CORIN: variants seen among roughly 807,000 people sequenced by gnomAD.
CORIN encodes the protein corin, serine peptidase.
In CORIN, 117 loss-of-function variants were observed where a neutral mutation model predicts 125.3. The observed-to-expected ratio is 0.93, with a 90% CI of 0.80 to 1.09. The LOEUF (loss-of-function observed/expected upper bound fraction) is 1.09. Among genes scored for constraint, CORIN ranks in the 50% least tolerant of loss-of-function variants. The probability of loss-of-function intolerance (pLI) is 0.00; values close to 1 mark genes in which losing one functional copy is unlikely to be tolerated. For synonymous variants in CORIN, 450 were observed against 466.4 expected (o/e 0.96, Z 0.45); for missense variants, 1,253 against 1,306.7 (o/e 0.96, Z 0.63).
chr4:47,745,032 T>C (rs1167863964), intron 4 of CORIN, among the ~76,000 whole-genome samples: 1 of 152,198 alleles, frequency 6.6e-6, no homozygotes, highest in African/African-American at 2.4e-5. Context: ...AGTAAGCTGT[T>C]CCATTATTAA....
intron 7 of CORIN, chr4:47,683,460 A>G (rs1268217703): frequency 7.0e-6 from 2 of 286,598 alleles, no homozygotes; most frequent in African/African-American, 2.2e-5. Flanking sequence ...TGAGGAGAGG[A>G]AAAAAAACTA....
Position 47,626,451 on chromosome 4 carries a change from A to C in CORIN, c.2269T>G (p.Trp757Gly), listed in dbSNP as rs1722571328. The change falls in exon 17 of 22, where the codon TGG becomes GGG. Residue 757 changes from tryptophan to glycine, a missense_variant. Coordinates refer to ENST00000273857, the MANE Select transcript of CORIN (RefSeq NM_006587.4). ...EPRWLTLHSN[W>G]ESLNGTTLHE... ...AAAGTGGTCCCATTGAGGCTCTCCC[A>C]GTTGGAGTGTAATGTCAGCCACCGC... 6.2e-7 allele frequency: 1 copy of C among 1,613,890 alleles called. No individual in the cohort carries two copies. Among genetic ancestry groups the C allele is most frequent in the African/African-American group, 1.3e-5 (1 of 74,918 alleles).
chr4:47,664,353 C>T lies in CORIN; in HGVS notation c.1589+679G>A, dbSNP rs564261917. Among the ~76,000 whole-genome samples the T allele has an allele frequency of 2.0e-5, 3 of 152,340 alleles. No individual in the cohort carries two copies. The South Asian group carries it at 6.2e-4, about 32-fold the overall frequency. On this transcript the variant is annotated intron_variant, in intron 11 of 21. Transcript: ENST00000273857. The stretch of plus-strand genomic sequence containing the variant: ...ACATTCATTTGATCTCAAAACAATA[C>T]AACCCAACAACCATTACTATCCTTA...
intron 19 of CORIN, among the ~76,000 whole-genome samples, chr4:47,611,578 C>T (rs1296623713): frequency 1.3e-5 from 2 of 152,120 alleles, no homozygotes; most frequent in African/African-American, 4.8e-5. Flanking sequence ...ATTTGAATAT[C>T]CTTTCTTTCT....
intron 13 of CORIN, among the ~76,000 whole-genome samples, chr4:47,647,915 T>G (rs1236305698): frequency 6.6e-6 from 1 of 152,302 alleles, no homozygotes; most frequent in Non-Finnish European, 1.5e-5. Flanking sequence ...CAAATAATAA[T>G]GCCTGCTTCA....
chr4:47,670,298 G>A (rs1724689430), intron 10 of CORIN, among the ~76,000 whole-genome samples: 1 of 152,170 alleles, frequency 6.6e-6, no homozygotes, highest in Non-Finnish European at 1.5e-5. Flanking sequence ...TTACCAAATG[G>A]TAATATTGTA....
chr4:47,597,047 T>C (rs2109496124), intron 21 of CORIN, among the ~76,000 whole-genome samples: 1 of 152,262 alleles, frequency 6.6e-6, no homozygotes, highest in East Asian at 1.9e-4. Context: ...TTAGGGAATA[T>C]TATTGCTATG....
intron 3 of CORIN, among the ~76,000 whole-genome samples, chr4:47,780,523 C>A (rs1002942410): frequency 6.6e-6 from 1 of 151,888 alleles, no homozygotes; most frequent in Non-Finnish European, 1.5e-5. Flanking sequence ...AATCCCAGAA[C>A]AGCAAAGTAA....
chr4:47,741,394 T>C (rs1728389871), intron 5 of CORIN, among the ~76,000 whole-genome samples: 1 of 151,996 alleles, frequency 6.6e-6, no homozygotes, highest in African/African-American at 2.4e-5. Context: ...GGGATACCAC[T>C]TCACATCAAC....
At chr4:47,808,053 T>C (rs1731870929) in intron 1 of CORIN, among the ~76,000 whole-genome samples, 3 of 152,170 alleles carry the variant, frequency 2.0e-5, no homozygotes, top group South Asian at 2.1e-4. Context: ...CAATGCCTGG[T>C]GGGTAGCAGC....
chr4:47,668,910 A>T (rs952700083), intron 10 of CORIN, among the ~76,000 whole-genome samples: 8 of 152,256 alleles, frequency 5.3e-5, no homozygotes, highest in African/African-American at 1.9e-4. Flanking sequence ...CAGAATGCTA[A>T]GCAAGATAAA....
At chr4:47,731,868 CA>C (rs34287451) in intron 5 of CORIN, among the ~76,000 whole-genome samples, 14,670 of 133,078 alleles carry the variant, frequency 0.11, 811 homozygotes, top group East Asian at 0.28. Flanking sequence ...GACTCCATCT[CA>C]AAAAAAAAAA....
At chr4:47,821,053 G>T (rs1732488391) in intron 1 of CORIN, among the ~76,000 whole-genome samples, 1 of 152,040 alleles carries the variant, frequency 6.6e-6, no homozygotes, top group South Asian at 2.1e-4. Flanking sequence ...TGGCCAATAT[G>T]GTGAAATCCC....
intron 5 of CORIN, among the ~76,000 whole-genome samples, chr4:47,731,031 C>T (rs750006635): frequency 9.9e-5 from 15 of 152,076 alleles, no homozygotes; most frequent in Non-Finnish European, 8.8e-5. Context: ...GGTTGGATCA[C>T]GCATACATTT....
At chr4:47,770,546 A>G (rs1729977872) in intron 3 of CORIN, among the ~76,000 whole-genome samples, 1 of 150,286 alleles carries the variant, frequency 6.7e-6, no homozygotes, top group Non-Finnish European at 1.5e-5. Context: ...AGGATGTAAA[A>G]TCAGTGTTTT....
At chr4:47,683,026 T>C (rs1159587396) in intron 7 of CORIN, 2 of 152,222 alleles carry the variant, frequency 1.3e-5, no homozygotes, top group Admixed American at 1.3e-4. Context: ...TTGTCCAGGG[T>C]GTATCCTCAT....
At chr4:47,664,366 A>G (rs952566430) in intron 11 of CORIN, among the ~76,000 whole-genome samples, 1 of 152,174 alleles carries the variant, frequency 6.6e-6, no homozygotes, top group Non-Finnish European at 1.5e-5. Flanking sequence ...CCCAACAACC[A>G]TTACTATCCT....
chr4:47,633,453 T>C (rs1205017088), intron 16 of CORIN, among the ~76,000 whole-genome samples: 2 of 152,108 alleles, frequency 1.3e-5, no homozygotes, highest in Admixed American at 1.3e-4. Context: ...ATCATAAACA[T>C]TTTGAATGAA....
chr4:47,767,363 GA>G (rs1027416259), intron 3 of CORIN, among the ~76,000 whole-genome samples: 7 of 138,730 alleles, frequency 5.0e-5, no homozygotes, highest in South Asian at 4.6e-4. Flanking sequence ...CCATTAAAAA[GA>G]AAAAAAAAGA....
Sources: gnomAD v4.1 joint callset for allele counts (sites outside exome capture counted in the v4.1 genomes callset) on GRCh38, gnomAD v4.1.1 for gene constraint, MANE v1.5 for transcripts, NCBI Gene and HGNC (gene_info 2026-07-23, HGNC 2026-07-21) for gene names.